ST6GAL2: variants seen among roughly 807,000 people sequenced by gnomAD.
ST6GAL2 encodes the protein beta-galactoside alpha-2,6-sialyltransferase 2.
In ST6GAL2, 24 loss-of-function variants were observed where a neutral mutation model predicts 37.5. The ratio of observed to expected loss-of-function variants is 0.64; its 90% confidence interval spans 0.46 to 0.90. The LOEUF is 0.90. Among genes scored for constraint, ST6GAL2 ranks in the 40% least tolerant of loss-of-function variants. The pLI is 0.00. For missense variants in ST6GAL2, 715 were observed against 712.7 expected (o/e 1.00, Z -0.04); for synonymous variants, 306 against 295.1 (o/e 1.04, Z -0.38).
At chr2:106,812,660 T>C (rs1675653178) in intron 5 of ST6GAL2, among the ~76,000 whole-genome samples, 1 of 152,220 alleles carries the variant, frequency 6.6e-6, no homozygotes, top group Non-Finnish European at 1.5e-5. Flanking sequence ...GGCGGTGTTG[T>C]CTTTTCTGCC....
At chr2:106,822,635 A>C (rs1676047214) in intron 5 of ST6GAL2, among the ~76,000 whole-genome samples, 1 of 152,186 alleles carries the variant, frequency 6.6e-6, no homozygotes, top group Admixed American at 6.5e-5. Flanking sequence ...TCACAGAAAC[A>C]GAAAAAAAAT....
intron 1 of ST6GAL2, among the ~76,000 whole-genome samples, chr2:106,872,488 C>T (rs1430634810): frequency 1.3e-5 from 2 of 152,192 alleles, no homozygotes; most frequent in African/African-American, 4.8e-5. Flanking sequence ...GATGTGAGGA[C>T]ATCCACACTT....
chr2:106,813,241 T>G, intron 5 of ST6GAL2: 1 of 1,319,984 alleles, frequency 7.6e-7, no homozygotes, highest in Non-Finnish European at 9.7e-7. Flanking sequence ...GAGGGATTCA[T>G]TTGAAGAAAA....
In ST6GAL2 at chr2:106,843,442, C is replaced by T. The variant is rs138095673; in HGVS notation, c.536G>A (p.Arg179Lys). Reference protein sequence around the residue: ...QRRRVKKRHRRQRRSHVLEEG... With the variant: ...QRRRVKKRHRKQRRSHVLEEG... Reference sequence around the variant, plus strand: ...CTCCAACACGTGGCTCCTTCTCTGCCTCCGGTGCCTCTTCTTCACCCGCCT... The same window carrying T: ...CTCCAACACGTGGCTCCTTCTCTGCTTCCGGTGCCTCTTCTTCACCCGCCT... The change falls in exon 2 of 6, where the codon AGG becomes AAG. Residue 179 changes from arginine to lysine, a missense_variant. By Grantham distance (26) the Arg-to-Lys change is conservative. Coordinates refer to ENST00000409382, the MANE Select transcript of ST6GAL2 (RefSeq NM_001142351.2). 8 of 1,614,026 alleles carry T rather than the reference C, an allele frequency of 5.0e-6. No homozygotes were observed. In the African/African-American group the frequency reaches 9.3e-5, roughly 19 times the overall value.
intron 1 of ST6GAL2, among the ~76,000 whole-genome samples, chr2:106,844,354 A>G (rs1677062755): frequency 6.6e-6 from 1 of 152,018 alleles, no homozygotes; most frequent in South Asian, 2.1e-4. Flanking sequence ...TCCCACTTTG[A>G]TAGACAGTAG....
At chr2:106,887,014 C>T (rs994235832), upstream of ST6GAL2, 10 of 152,192 alleles carry the variant, frequency 6.6e-5, no homozygotes, top group South Asian at 1.0e-3. Flanking sequence ...TGGACACCTC[C>T]GGGGCACTCG....
chr2:106,830,216 G>C lies in ST6GAL2; in HGVS notation c.1168C>G (p.Leu390Val). ...CGATGCTGAATATATGGAGTGAACA[G>C]GTTGTAATCCGGTTTTTTGTACCAC... Reference protein sequence around the residue: ...NLWYKKPDYNLFTPYIQHRQR... With the variant: ...NLWYKKPDYNVFTPYIQHRQR... The change falls in exon 5 of 6, where the codon CTG (leucine) becomes GTG (valine). Residue 390 changes from leucine (L) to valine (V), a missense_variant. By Grantham distance (32) the Leu-to-Val change is conservative. Around this residue, in one of 3 missense-constraint regions of ST6GAL2, gnomAD observed 198 missense variants for 203.6 expected, o/e 0.97. Transcript: ENST00000409382. 1.2e-6 allele frequency: 2 copies of C among 1,611,304 alleles called. No individual in the cohort carries two copies. Among genetic ancestry groups the C allele is most frequent in the Non-Finnish European group, 1.7e-6 (2 of 1,179,172 alleles).
chr2:106,801,628 T>C lies in ST6GAL2; in HGVS notation c.*5050A>G, dbSNP rs532093714. The C allele has an allele frequency of 6.6e-6, 1 of 152,320 alleles. No homozygotes were observed. Among genetic ancestry groups the C allele is most frequent in the East Asian group, 1.9e-4 (1 of 5,192 alleles). The allele number at this position is 152,320 out of a possible 1,614,324, so 9.4% of individuals were successfully genotyped here. A position where few individuals can be genotyped will look rare whatever the true frequency, so the allele number is the denominator to read the frequency against. ...TAGACAAATGAAAACATGTTTTATT[T>C]ACAAGAAAAAAGTCTGTACATTGTG... On this transcript the variant is annotated 3_prime_UTR_variant, in exon 6 of 6. Coordinates refer to ENST00000409382, the MANE Select transcript of ST6GAL2 (RefSeq NM_001142351.2).
chr2:106,831,597 G>A lies in ST6GAL2; in HGVS notation c.1143+968C>T, dbSNP rs142147411. 2.4e-3 allele frequency among the ~76,000 whole-genome samples: 373 copies of A among 152,272 alleles called. 2 individuals are homozygous for A. The highest frequency in any genetic ancestry group is 8.5e-3 in the African/African-American group (353 of 41,564). On this transcript the variant is annotated intron_variant, in intron 4 of 5. Transcript: ENST00000409382. ...AGGCTATATATATCCTCCATTTCTG[G>A]AGATGGGGCTCTGACAGATTTTGAA...
chr2:106,845,563 C>T (rs958294224), intron 1 of ST6GAL2, among the ~76,000 whole-genome samples: 3 of 152,154 alleles, frequency 2.0e-5, no homozygotes, highest in African/African-American at 7.2e-5. Context: ...GCATGTAGGG[C>T]ATGGCTGTAA....
intron 1 of ST6GAL2, among the ~76,000 whole-genome samples, chr2:106,879,379 T>C (rs1678647630): frequency 6.6e-6 from 1 of 152,132 alleles, no homozygotes; most frequent in Admixed American, 6.6e-5. Flanking sequence ...GACACTTTCC[T>C]ACTACTATCA....
At chr2:106,807,778 C>G (rs1015317098) in intron 5 of ST6GAL2, among the ~76,000 whole-genome samples, 5 of 151,992 alleles carry the variant, frequency 3.3e-5, no homozygotes, top group African/African-American at 1.2e-4. Context: ...GCGCCCACCA[C>G]CACGCCCGGC....
At position 106,803,011 on chromosome 2, in the gene ST6GAL2, A is replaced by C. The variant is rs1242199039; in HGVS notation, c.*3667T>G. On this transcript the variant is annotated 3_prime_UTR_variant, in exon 6 of 6. Transcript: ENST00000409382. The stretch of plus-strand genomic sequence containing the variant: ...ATCCCACTTAAAGCACCCAAACGGG[A>C]CCTACCTAATTAATTCAGGAGATGT... 1 of 152,208 alleles carries C rather than the reference A, an allele frequency of 6.6e-6. No individual in the cohort carries two copies. Among genetic ancestry groups the C allele is most frequent in the Non-Finnish European group, 1.5e-5 (1 of 68,044 alleles). The allele number at this position is 152,208 out of a possible 1,614,324, so 9.4% of individuals were successfully genotyped here.
Position 106,805,093 on chromosome 2 carries a change from A to C in ST6GAL2, c.*1585T>G, listed in dbSNP as rs1675375782. On this transcript the variant is annotated 3_prime_UTR_variant, in exon 6 of 6. Coordinates refer to ENST00000409382, the MANE Select transcript of ST6GAL2 (RefSeq NM_001142351.2). ...CCATATCTGCTGAATAGACTAACCA[A>C]ACAGAAGCCTTCAGTCTCTGTAAGC... 1 of 152,098 alleles carries C rather than the reference A, an allele frequency of 6.6e-6. No homozygotes were observed. The highest frequency in any genetic ancestry group is 2.4e-5 in the African/African-American group (1 of 41,392). The allele number at this position is 152,098 out of a possible 1,614,324, so 9.4% of individuals were successfully genotyped here. A position where few individuals can be genotyped will look rare whatever the true frequency, so the allele number is the denominator to read the frequency against.
intron 1 of ST6GAL2, among the ~76,000 whole-genome samples, chr2:106,845,993 GTCCACGTGGAA>G (rs957500878): frequency 8.5e-5 from 13 of 152,320 alleles, no homozygotes; most frequent in African/African-American, 3.1e-4. Flanking sequence ...AGCTAGGAAA[GTCCACGTGGAA>G]TGAGAGATAC....
chr2:106,878,257 G>A (rs550122101), intron 1 of ST6GAL2, among the ~76,000 whole-genome samples: 5 of 152,202 alleles, frequency 3.3e-5, no homozygotes, highest in Non-Finnish European at 7.3e-5. Context: ...CAGACCAGAA[G>A]TTCAAGACCA....
intron 1 of ST6GAL2, among the ~76,000 whole-genome samples, chr2:106,873,115 C>T (rs1678347205): frequency 6.6e-6 from 1 of 152,174 alleles, no homozygotes; most frequent in Non-Finnish European, 1.5e-5. Context: ...CTAATGACCC[C>T]AAATGCTCAC....
chr2:106,836,037 G>A (rs1676621674), intron 2 of ST6GAL2, among the ~76,000 whole-genome samples: 2 of 152,016 alleles, frequency 1.3e-5, no homozygotes, highest in African/African-American at 4.8e-5. Context: ...TTAGGCAGAT[G>A]GAATATATCT....
intron 1 of ST6GAL2, among the ~76,000 whole-genome samples, chr2:106,851,200 C>T (rs185749259): frequency 2.0e-5 from 3 of 152,308 alleles, no homozygotes; most frequent in Admixed American, 6.5e-5. Flanking sequence ...TCCATTCTTT[C>T]TCCCTGTTCT....
Sources: gnomAD v4.1 joint callset for allele counts (sites outside exome capture counted in the v4.1 genomes callset) on GRCh38, gnomAD v4.1.1 for gene constraint, gnomAD v4.1.1 regional missense constraint, MANE v1.5 for transcripts, NCBI Gene and HGNC (gene_info 2026-07-23, HGNC 2026-07-21) for gene names.